The following WFIKKN2 variants were observed in gnomAD, a reference collection of about 807,000 sequenced individuals.
The protein encoded by WFIKKN2 is WAP, follistatin/kazal, immunoglobulin, kunitz and netrin domain containing 2.
A neutral mutation model predicts 39.2 loss-of-function variants in WFIKKN2; 25 were observed. That is an observed-to-expected ratio of 0.64 (90% CI 0.47 to 0.89). The LOEUF (loss-of-function observed/expected upper bound fraction) is 0.89. WFIKKN2 is among the 40% of genes least tolerant of loss of function. The pLI is 0.00. For missense variants in WFIKKN2, 770 were observed against 811.7 expected (o/e 0.95, Z 0.62); for synonymous variants, 345 against 329.7 (o/e 1.05, Z -0.50).
intron 1 of WFIKKN2, among the ~76,000 whole-genome samples, chr17:50,837,597 G>A (rs768748022): frequency 6.6e-6 from 1 of 152,232 alleles, no homozygotes; most frequent in Non-Finnish European, 1.5e-5. Flanking sequence ...ATCCAGGCTG[G>A]GGCATCCCCA....
intron 1 of WFIKKN2, among the ~76,000 whole-genome samples, chr17:50,838,957 G>A (rs1482998764): frequency 6.6e-6 from 1 of 152,228 alleles, no homozygotes; most frequent in Non-Finnish European, 1.5e-5. Flanking sequence ...CCATAGGAAA[G>A]AGATGAAAGG....
chr17:50,841,156 G>C lies in WFIKKN2; in HGVS notation c.*137G>C. 1 of 866,372 alleles carries C rather than the reference G, an allele frequency of 1.2e-6. No homozygotes were observed. The highest frequency in any genetic ancestry group is 1.7e-6 in the Non-Finnish European group (1 of 588,120). 53.7% of individuals were successfully genotyped at this position (866,372 alleles called of 1,614,324 possible). On this transcript the variant is annotated 3_prime_UTR_variant, in exon 2 of 2. Transcript: ENST00000311378. ...CATCAACCGACGTGTCACAGAAAAA[G>C]CCACAGAAGGTCTCAGATCAGCATC... is the stretch of plus-strand genomic sequence containing the variant.
In WFIKKN2 at chr17:50,839,695, A is replaced by C. The variant is rs774446941; in HGVS notation, c.407A>C (p.Asp136Ala). 3 of 1,614,062 alleles carry C rather than the reference A, an allele frequency of 1.9e-6. No individual in the cohort carries two copies. In the African/African-American group the frequency reaches 4.0e-5, roughly 22 times the overall value. ...WDGQPVCKCKDRCEKEPSFTC... is the reference protein window; with the variant it reads ...WDGQPVCKCKARCEKEPSFTC... ...GGCCAGCCCGTGTGTAAGTGCAAAG[A>C]CCGCTGTGAGAAGGAGCCCAGCTTT... The change falls in exon 2 of 2, where the codon GAC (aspartate) becomes GCC (alanine). Residue 136 changes from aspartate (D) to alanine (A), a missense_variant. Coordinates refer to ENST00000311378, the MANE Select transcript of WFIKKN2 (RefSeq NM_175575.6).
At chr17:50,836,189 GT>G in intron 1 of WFIKKN2, 42 bp downstream of exon 1, 1 of 1,601,494 alleles carries the variant, frequency 6.2e-7, no homozygotes, top group Non-Finnish European at 8.5e-7. Flanking sequence ...ACGTGAGCCT[GT>G]GAGTGACGGG....
chr17:50,835,764 G>A lies in WFIKKN2; in HGVS notation c.-174G>A, dbSNP rs1971945559. The A allele has an allele frequency of 9.1e-6, 6 of 657,796 alleles. No individual in the cohort carries two copies. In the South Asian group the frequency reaches 1.2e-4, roughly 13 times the overall value. The allele number at this position is 657,796 out of a possible 1,614,324, so 40.7% of individuals were successfully genotyped here. ...TATCTGAAGCCGCACAGCCCGGCAG[G>A]CTGTGCTGACTTGGTGGAGGCAGCA... On this transcript the variant is annotated 5_prime_UTR_variant, in exon 1 of 2. Coordinates refer to ENST00000311378, the MANE Select transcript of WFIKKN2 (RefSeq NM_175575.6).
rs756585346 is a variant in WFIKKN2, at chr17:50,839,620, G to A, written c.332G>A (p.Cys111Tyr). The change falls in exon 2 of 2, where the codon TGT (cysteine) becomes TAT (tyrosine). Residue 111 changes from cysteine (C) to tyrosine (Y), a missense_variant. By Grantham distance (194) the Cys-to-Tyr change is radical (BLOSUM62 -2). Coordinates refer to ENST00000311378, the MANE Select transcript of WFIKKN2 (RefSeq NM_175575.6). The stretch of plus-strand genomic sequence containing the variant: ...GTGGGCATGCCCAAGGAGGCCACAT[G>A]TGACCACTTCATGTGTCTGCAGCAG... ...GPVGMPKEAT[C>Y]DHFMCLQQGS... The A allele has an allele frequency of 1.2e-6, 2 of 1,614,226 alleles. No individual in the cohort carries two copies. Among genetic ancestry groups the A allele is most frequent in the East Asian group, 2.2e-5 (1 of 44,884 alleles).
In WFIKKN2 at chr17:50,840,034, A is replaced by T. The variant is rs1443962124; in HGVS notation, c.746A>T (p.Asp249Val). Residue 249 changes from aspartate to valine, a missense_variant, in exon 2 of 2, where the codon GAT (aspartate) becomes GTT (valine). Coordinates refer to ENST00000311378, the MANE Select transcript of WFIKKN2 (RefSeq NM_175575.6). ...PEITWEKQLEDRENVVMRPNH... is the reference protein window; with the variant it reads ...PEITWEKQLEVRENVVMRPNH... ...ATCACCTGGGAGAAGCAGTTGGAGG[A>T]TCGGGAGAATGTGGTCATGCGGCCC... 1 of 1,614,230 alleles carries T rather than the reference A, an allele frequency of 6.2e-7. No homozygotes were observed. Among genetic ancestry groups the T allele is most frequent in the East Asian group, 2.2e-5 (1 of 44,884 alleles).
chr17:50,839,419 C>T, intron 1 of WFIKKN2, 80 bp from the exon 2 acceptor site: 1 of 1,393,596 alleles, frequency 7.2e-7, no homozygotes, highest in Non-Finnish European at 9.7e-7. Context: ...AGTTCTCCTC[C>T]CCACAAACCA....
Position 50,841,237 on chromosome 17 carries a change from G to A in WFIKKN2, c.*218G>A, listed in dbSNP as rs753254747. On this transcript the variant is annotated 3_prime_UTR_variant, in exon 2 of 2. Coordinates refer to ENST00000311378, the MANE Select transcript of WFIKKN2 (RefSeq NM_175575.6). ...CTTTTTTAGCTGAGGGGGACAAGAG[G>A]AGAAGTCAGTGGACACATGGAAGTT... is the stretch of plus-strand genomic sequence containing the variant. 6.0e-5 allele frequency: 28 copies of A among 466,398 alleles called. No homozygotes were observed. The highest frequency in any genetic ancestry group is 9.3e-5 in the Non-Finnish European group (25 of 268,848). The allele number at this position is 466,398 out of a possible 1,614,324, so 28.9% of individuals were successfully genotyped here.
rs1208080695 is a variant in WFIKKN2, at chr17:50,836,623, G to A, written c.210+476G>A. 1.3e-3 allele frequency among the ~76,000 whole-genome samples: 31 copies of A among 24,494 alleles called. 2 individuals are homozygous for A. Among genetic ancestry groups the A allele is most frequent in the South Asian group, 1.7e-3 (1 of 598 alleles). 16.1% of individuals were successfully genotyped at this position (24,494 alleles called of 152,430 possible). ...AGGTGAGTGGGGTCCAGAAGCCACA[G>A]TGTGAGATGGACCAGGTGAGTGGGA... On this transcript the variant is annotated intron_variant, in intron 1 of 1. Coordinates refer to ENST00000311378, the MANE Select transcript of WFIKKN2 (RefSeq NM_175575.6).
At chr17:50,835,219 T>G (rs1567906056), upstream of WFIKKN2, among the ~76,000 whole-genome samples, 1 of 152,204 alleles carries the variant, frequency 6.6e-6, no homozygotes, top group African/African-American at 2.4e-5. Context: ...CGTGAACTTG[T>G]TGTTTTTCCA....
rs373708429 is a variant in WFIKKN2, at chr17:50,840,598, C to T, written c.1310C>T (p.Pro437Leu). The T allele has an allele frequency of 1.4e-5, 22 of 1,613,924 alleles. No homozygotes were observed. Among genetic ancestry groups the T allele is most frequent in the Non-Finnish European group, 1.7e-5 (20 of 1,180,042 alleles). ...ESREACEESC[P>L]FPRGNQRCRA... The stretch of plus-strand genomic sequence containing the variant: ...CGTGAGGCCTGTGAGGAGTCGTGCC[C>T]CTTCCCCAGGGGGAACCAGCGCTGT... Residue 437 changes from proline to leucine, a missense_variant, in exon 2 of 2, where the codon CCC becomes CTC. Physicochemically the swap from Pro to Leu is moderately conservative, Grantham distance 98 (BLOSUM62 -3). Transcript: ENST00000311378.
At position 50,840,830 on chromosome 17, in the gene WFIKKN2, A is replaced by ATGCCCC. The variant is rs1567908605; in HGVS notation, c.1549_1554dup (p.Cys517_Pro518dup). The ATGCCCC allele has an allele frequency of 1.9e-6, 3 of 1,613,786 alleles. No individual in the cohort carries two copies. The highest frequency in any genetic ancestry group is 2.5e-6 in the Non-Finnish European group (3 of 1,179,806). Reference sequence around the variant, plus strand: ...TCACTCTGCTTCACGTGGACTGGGCATGCCCCTGCCCCAACGTGACCGTGA... The same window carrying ATGCCCC: ...TCACTCTGCTTCACGTGGACTGGGCATGCCCCTGCCCCTGCCCCAACGTGACCGTGA... On this transcript the variant is annotated inframe_insertion, in exon 2 of 2. Transcript: ENST00000311378.
intron 1 of WFIKKN2, among the ~76,000 whole-genome samples, chr17:50,838,897 C>T (rs913421860): frequency 6.6e-6 from 1 of 152,176 alleles, no homozygotes; most frequent in Admixed American, 6.5e-5. Flanking sequence ...GGGGCATTCC[C>T]CTCTTAACCT....
At position 50,839,759 on chromosome 17, in the gene WFIKKN2, C is replaced by T. The variant is rs749177471; in HGVS notation, c.471C>T (p.Cys157=). The change falls in exon 2 of 2, where the codon TGC becomes TGT. Residue 157 remains cysteine (C), a synonymous_variant. Coordinates refer to ENST00000311378, the MANE Select transcript of WFIKKN2 (RefSeq NM_175575.6). ...ACGGCCTCACCTACTATAACCGCTGCTACATGGATGCCGAGGCCTGCTCCA... is the reference window on the plus strand; with the variant it reads ...ACGGCCTCACCTACTATAACCGCTGTTACATGGATGCCGAGGCCTGCTCCA... ...ASDGLTYYNR[C]YMDAEACSKG... is the part of the protein sequence containing the mutation. 1.2e-6 allele frequency: 2 copies of T among 1,614,260 alleles called. No individual in the cohort carries two copies. The highest frequency in any genetic ancestry group is 1.1e-5 in the South Asian group (1 of 91,090).
chr17:50,835,195 C>T (rs1175754062), upstream of WFIKKN2, among the ~76,000 whole-genome samples: 13 of 152,234 alleles, frequency 8.5e-5, no homozygotes, highest in Admixed American at 5.9e-4. Flanking sequence ...GGCGCAGGCC[C>T]GCCCTGGAAT....
chr17:50,836,765 A>G (rs548218564), intron 1 of WFIKKN2, among the ~76,000 whole-genome samples: 17 of 136,292 alleles, frequency 1.2e-4, no homozygotes, highest in African/African-American at 4.4e-4. Context: ...GGTGAGTGGG[A>G]TCCAGAAGCT....
rs146472388 is a variant in WFIKKN2, at chr17:50,840,707, C to T, written c.1419C>T (p.Thr473=). ...TCCTGGGCCGAGTCTCTGAGCTGAC[C>T]GAGGAGCCTGACTCGGGCCGCGCCC... is the stretch of plus-strand genomic sequence containing the variant. The part of the protein sequence containing the change: ...FVILGRVSEL[T]EEPDSGRALV... The change falls in exon 2 of 2, where the codon ACC becomes ACT. Residue 473 remains threonine (T), a synonymous_variant. Transcript: ENST00000311378. The T allele has an allele frequency of 1.4e-4, 223 of 1,613,948 alleles. 1 individual carries two copies. In the African/African-American group the frequency reaches 1.9e-3, roughly 13 times the overall value.
In WFIKKN2 at chr17:50,839,918, T is replaced by TGCG; in HGVS notation, c.631_633dup (p.Ala211dup). 1 of 1,614,114 alleles carries TGCG rather than the reference T, an allele frequency of 6.2e-7. No homozygotes were observed. The highest frequency in any genetic ancestry group is 1.1e-5 in the South Asian group (1 of 91,080). On this transcript the variant is annotated inframe_insertion, in exon 2 of 2. Transcript: ENST00000311378. The stretch of plus-strand genomic sequence containing the variant: ...CCCCTGAGCTGGACATGGCGGCCCC[T>TGCG]GCGCTGCTCAACAACCCTGTGCACC...
Sources: allele counts gnomAD v4.1 joint callset (sites outside exome capture counted in the v4.1 genomes callset), GRCh38; gene constraint gnomAD v4.1.1; transcripts MANE v1.5; gene names NCBI Gene and HGNC (gene_info 2026-07-23, HGNC 2026-07-21).